The following COL8A1 variants were observed in gnomAD, a reference collection of about 807,000 sequenced individuals.
COL8A1 encodes collagen type VIII alpha 1 chain.
In COL8A1, 21 loss-of-function variants were observed where a neutral mutation model predicts 42.7. The observed-to-expected ratio is 0.49, with a 90% CI of 0.35 to 0.71. The LOEUF (loss-of-function observed/expected upper bound fraction) is 0.71. Ranked by LOEUF, COL8A1 falls within the 30% of genes least tolerant of loss-of-function variation. The pLI, the probability that COL8A1 is intolerant of heterozygous loss-of-function variation, is 0.01. For missense variants in COL8A1, 788 were observed against 962.4 expected, an observed-to-expected ratio of 0.82 and a Z score of 2.40; for synonymous variants, 367 against 369.1, an observed-to-expected ratio of 0.99 and a Z score of 0.06.
intron 1 of COL8A1, among the ~76,000 whole-genome samples, chr3:99,641,798 ATG>A (rs1242297743): frequency 1.3e-5 from 2 of 152,128 alleles, no homozygotes; most frequent in Non-Finnish European, 2.9e-5. Flanking sequence ...ATAAACATAC[ATG>A]TACATAAGTT....
chr3:99,790,551 T>A (rs1310192602), intron 2 of COL8A1, 129 bp from the exon 3 acceptor site: 2 of 706,804 alleles, frequency 2.8e-6, no homozygotes, highest in Non-Finnish European at 4.7e-6. Flanking sequence ...CCTTTTCATT[T>A]GACTTCTATC....
At chr3:99,656,905 A>G (rs531248005) in intron 1 of COL8A1, among the ~76,000 whole-genome samples, 23 of 152,358 alleles carry the variant, frequency 1.5e-4, no homozygotes, top group African/African-American at 5.5e-4. Flanking sequence ...CCACTTGGGC[A>G]TGCCATCCCC....
chr3:99,770,489 A>G (rs910991787), intron 2 of COL8A1, among the ~76,000 whole-genome samples: 1 of 152,208 alleles, frequency 6.6e-6, no homozygotes, highest in Non-Finnish European at 1.5e-5. Flanking sequence ...ACATGTATTC[A>G]TCAACTACCA....
chr3:99,686,869 G>A (rs568294094), intron 1 of COL8A1, among the ~76,000 whole-genome samples: 1 of 151,888 alleles, frequency 6.6e-6, no homozygotes, highest in Non-Finnish European at 1.5e-5. Flanking sequence ...TTTGGGGGGG[G>A]TTCTGTTTGT....
intron 1 of COL8A1, among the ~76,000 whole-genome samples, chr3:99,698,934 C>T (rs1167053092): frequency 6.6e-6 from 1 of 152,066 alleles, no homozygotes; most frequent in Non-Finnish European, 1.5e-5. Context: ...GTTTTATAGT[C>T]AAGGAATGCT....
intron 1 of COL8A1, among the ~76,000 whole-genome samples, chr3:99,663,353 G>A (rs116194446): frequency 1.5e-3 from 224 of 152,122 alleles, no homozygotes; most frequent in Non-Finnish European, 2.6e-3. Context: ...TTACTAACCC[G>A]GTGCCAGAAC....
chr3:99,765,583 C>T (rs375292180), intron 2 of COL8A1, among the ~76,000 whole-genome samples: 34 of 152,302 alleles, frequency 2.2e-4, no homozygotes, highest in Middle Eastern at 6.8e-3. Context: ...CGTCCCCAGG[C>T]CTTCTTCAAT....
intron 1 of COL8A1, among the ~76,000 whole-genome samples, chr3:99,703,041 G>T (rs1391484142): frequency 2.6e-5 from 4 of 152,158 alleles, no homozygotes; most frequent in African/African-American, 9.7e-5. Context: ...AAGCAAGGGG[G>T]AAGAATGGCA....
At chr3:99,755,004 A>G (rs1209194463) in intron 2 of COL8A1, among the ~76,000 whole-genome samples, 1 of 152,180 alleles carries the variant, frequency 6.6e-6, no homozygotes, top group Non-Finnish European at 1.5e-5. Flanking sequence ...CAGTAGGGTA[A>G]ACTATCAGTA....
chr3:99,653,730 A>G (rs777153832), intron 1 of COL8A1, among the ~76,000 whole-genome samples: 5 of 150,558 alleles, frequency 3.3e-5, no homozygotes, highest in Non-Finnish European at 5.9e-5. Flanking sequence ...TGAGGCTGCC[A>G]GCATCCTAGA....
At chr3:99,662,045 A>C (rs1416143212) in intron 1 of COL8A1, among the ~76,000 whole-genome samples, 1 of 152,144 alleles carries the variant, frequency 6.6e-6, no homozygotes, top group Non-Finnish European at 1.5e-5. Flanking sequence ...TTGCACAGCT[A>C]TATTAATATA....
chr3:99,658,947 C>A (rs917324770), intron 1 of COL8A1, among the ~76,000 whole-genome samples: 3 of 152,176 alleles, frequency 2.0e-5, no homozygotes, highest in Non-Finnish European at 4.4e-5. Flanking sequence ...ATTCCACATC[C>A]CCACTAGCTC....
intron 2 of COL8A1, among the ~76,000 whole-genome samples, chr3:99,770,016 T>C (rs1941547210): frequency 6.6e-6 from 1 of 152,220 alleles, no homozygotes; most frequent in Admixed American, 6.5e-5. Flanking sequence ...ATAAGTTATA[T>C]GTGACATGGG....
chr3:99,669,142 T>G (rs1380795845), intron 1 of COL8A1, among the ~76,000 whole-genome samples: 4,721 of 100,734 alleles, frequency 0.047, 316 homozygotes, highest in African/African-American at 0.14. Flanking sequence ...TATATATATA[T>G]ATATAGAGGG....
chr3:99,785,579 C>T (rs1941878379), intron 2 of COL8A1, among the ~76,000 whole-genome samples: 1 of 152,136 alleles, frequency 6.6e-6, no homozygotes, highest in Non-Finnish European at 1.5e-5. Flanking sequence ...CCCCAGAATG[C>T]ATATGTTGAA....
At chr3:99,690,832 T>C (rs902931557) in intron 1 of COL8A1, among the ~76,000 whole-genome samples, 9 of 152,228 alleles carry the variant, frequency 5.9e-5, no homozygotes, top group African/African-American at 2.2e-4. Context: ...CCTGGAGGAC[T>C]CTGACTTCCT....
At chr3:99,770,198 A>T (rs1463294275) in intron 2 of COL8A1, among the ~76,000 whole-genome samples, 3 of 152,180 alleles carry the variant, frequency 2.0e-5, no homozygotes, top group Non-Finnish European at 4.4e-5. Flanking sequence ...GGTATAGGGC[A>T]GGACATGTTT....
intron 1 of COL8A1, among the ~76,000 whole-genome samples, chr3:99,665,519 C>T (rs1162500367): frequency 6.6e-6 from 1 of 152,174 alleles, no homozygotes; most frequent in African/African-American, 2.4e-5. Flanking sequence ...GGACCACACA[C>T]ACCAATTTCA....
chr3:99,789,839 T>C lies in COL8A1; in HGVS notation c.-3-841T>C, dbSNP rs1941966524. 3.3e-5 allele frequency among the ~76,000 whole-genome samples: 5 copies of C among 152,214 alleles called. No homozygotes were observed. In the South Asian group the frequency reaches 1.0e-3, roughly 32 times the overall value. The stretch of plus-strand genomic sequence containing the variant: ...ACTTTAATGGTCCAATTAACCAATT[T>C]CTAAACTAATGAATTCATAGTATTT... On this transcript the variant is annotated intron_variant, in intron 2 of 3. Transcript: ENST00000652472.
Sources: allele counts gnomAD v4.1 joint callset (sites outside exome capture counted in the v4.1 genomes callset), GRCh38; gene constraint gnomAD v4.1.1; transcripts MANE v1.5; gene names NCBI Gene and HGNC (gene_info 2026-07-23, HGNC 2026-07-21).